The following DACH1 variants were observed in gnomAD, a reference collection of about 807,000 sequenced individuals.
DACH1 encodes dachshund homolog 1.
DACH1 carries 12 observed loss-of-function variants against 54.2 expected under a neutral mutation model. The ratio of observed to expected loss-of-function variants is 0.22; its 90% confidence interval spans 0.14 to 0.36. DACH1 has a LOEUF of 0.36. Ranked by LOEUF, DACH1 falls within the 10% of genes least tolerant of loss-of-function variation. The pLI, the probability that DACH1 is intolerant of heterozygous loss-of-function variation, is 1.00. For synonymous variants in DACH1, 386 were observed against 366.2 expected (o/e 1.05, Z -0.62); for missense variants, 805 against 929.8 (o/e 0.87, Z 1.75).
chr13:71,520,305 C>A (rs1340010377), intron 6 of DACH1, among the ~76,000 whole-genome samples: 1 of 151,500 alleles, frequency 6.6e-6, no homozygotes, highest in Non-Finnish European at 1.5e-5. Context: ...AGCATCAAAC[C>A]TCATGGAAAT....
At chr13:71,725,082 A>G (rs1467683947) in intron 1 of DACH1, among the ~76,000 whole-genome samples, 1 of 152,170 alleles carries the variant, frequency 6.6e-6, no homozygotes, top group Non-Finnish European at 1.5e-5. Context: ...TGTAAAAAAA[A>G]AATTCAAAAG....
At chr13:71,575,918 A>G (rs1885499375) in intron 3 of DACH1, among the ~76,000 whole-genome samples, 1 of 152,132 alleles carries the variant, frequency 6.6e-6, no homozygotes, top group Non-Finnish European at 1.5e-5. Context: ...CATTATTTAT[A>G]ACATCCTTTT....
At chr13:71,791,860 T>C (rs1397654778) in intron 1 of DACH1, among the ~76,000 whole-genome samples, 2 of 152,202 alleles carry the variant, frequency 1.3e-5, no homozygotes, top group African/African-American at 4.8e-5. Flanking sequence ...AGTTTGCTCA[T>C]TTCACATATT....
At chr13:71,706,871 G>A (rs563756275) in intron 1 of DACH1, among the ~76,000 whole-genome samples, 6 of 152,008 alleles carry the variant, frequency 3.9e-5, no homozygotes, top group South Asian at 2.1e-4. Context: ...AATCTGCCTC[G>A]GTACAGTAAG....
At chr13:71,686,405 G>A (rs986634991) in intron 1 of DACH1, among the ~76,000 whole-genome samples, 2 of 152,056 alleles carry the variant, frequency 1.3e-5, no homozygotes, top group African/African-American at 4.8e-5. Context: ...GATCGCCAGG[G>A]GGGTCTTCTT....
At chr13:71,724,410 T>C (rs1291429304) in intron 1 of DACH1, among the ~76,000 whole-genome samples, 1 of 152,268 alleles carries the variant, frequency 6.6e-6, no homozygotes, top group East Asian at 1.9e-4. Context: ...ATTAAATTTA[T>C]AATAACTAAA....
intron 3 of DACH1, among the ~76,000 whole-genome samples, chr13:71,616,304 C>T (rs1011010439): frequency 6.6e-6 from 1 of 152,232 alleles, no homozygotes; most frequent in African/African-American, 2.4e-5. Flanking sequence ...CATGCATGAA[C>T]AGCTGGAGGC....
intron 2 of DACH1, among the ~76,000 whole-genome samples, chr13:71,658,985 A>T (rs917781758): frequency 3.9e-5 from 6 of 152,164 alleles, no homozygotes; most frequent in Non-Finnish European, 8.8e-5. Flanking sequence ...TTAGGGTGTT[A>T]AAAATCTCAG....
chr13:71,714,664 T>A (rs758448748), intron 1 of DACH1, among the ~76,000 whole-genome samples: 35 of 152,220 alleles, frequency 2.3e-4, no homozygotes, highest in Non-Finnish European at 4.3e-4. Flanking sequence ...AATATTTTTA[T>A]CCCGTTCTTG....
chr13:71,691,108 T>G (rs1307675918), intron 1 of DACH1, among the ~76,000 whole-genome samples: 1 of 152,212 alleles, frequency 6.6e-6, no homozygotes, highest in East Asian at 1.9e-4. Context: ...CAATGGCATA[T>G]GCGAAGAACC....
intron 3 of DACH1, among the ~76,000 whole-genome samples, chr13:71,599,202 G>A (rs1005442381): frequency 3.3e-5 from 5 of 152,034 alleles, no homozygotes; most frequent in African/African-American, 1.2e-4. Context: ...ACAGAATGAT[G>A]GGACTGCACT....
intron 1 of DACH1, among the ~76,000 whole-genome samples, chr13:71,692,130 C>A (rs775147043): frequency 6.6e-6 from 1 of 151,748 alleles, no homozygotes; most frequent in Non-Finnish European, 1.5e-5. Context: ...ATTAAAAGGT[C>A]ATTTATTAAA....
chr13:71,603,371 C>T (rs1013990659), intron 3 of DACH1, among the ~76,000 whole-genome samples: 9 of 151,974 alleles, frequency 5.9e-5, no homozygotes, highest in African/African-American at 1.4e-4. Context: ...TAATGACATA[C>T]TTTCTACTCA....
At chr13:71,564,621 C>G (rs1027481572) in intron 4 of DACH1, among the ~76,000 whole-genome samples, 4 of 152,070 alleles carry the variant, frequency 2.6e-5, no homozygotes, top group Non-Finnish European at 2.9e-5. Context: ...ACAACATACT[C>G]AAATTCTAAA....
intron 2 of DACH1, chr13:71,675,348 G>C (rs1191640011): frequency 2.6e-6 from 4 of 1,543,100 alleles, no homozygotes; most frequent in Non-Finnish European, 3.6e-6. Flanking sequence ...CTTTGCAGGA[G>C]GCAAGTGAGG....
At chr13:71,669,717 T>C (rs1880097321) in intron 2 of DACH1, among the ~76,000 whole-genome samples, 1 of 152,110 alleles carries the variant, frequency 6.6e-6, no homozygotes, top group Admixed American at 6.5e-5. Flanking sequence ...GGTCTTTACA[T>C]GATAAAGTAG....
At position 71,720,788 on chromosome 13, in the gene DACH1, T is replaced by C. The variant is rs145500865; in HGVS notation, c.849-38878A>G. Among the ~76,000 whole-genome samples the C allele has an allele frequency of 6.2e-3, 945 of 152,282 alleles. 12 individuals carry two copies. Among genetic ancestry groups the C allele is most frequent in the African/African-American group, 0.021 (891 of 41,574 alleles). ...CATGATAGCAGACAGTTATGTTCTC[T>C]AAACTTTACTTATCAGTTCTAAGAT... is the stretch of plus-strand genomic sequence containing the variant. On this transcript the variant is annotated intron_variant, in intron 1 of 10. Transcript: ENST00000613252.
chr13:71,531,469 A>G (rs1397753119), intron 6 of DACH1, among the ~76,000 whole-genome samples: 1 of 152,082 alleles, frequency 6.6e-6, no homozygotes, highest in Non-Finnish European at 1.5e-5. Context: ...ACAACTATGG[A>G]TGAGGCCCTC....
chr13:71,800,791 T>C lies in DACH1; in HGVS notation c.848+65131A>G, dbSNP rs551680676. Among the ~76,000 whole-genome samples, 4 of 152,202 alleles carry C rather than the reference T, an allele frequency of 2.6e-5. No individual in the cohort carries two copies. The South Asian group carries it at 6.2e-4, about 24-fold the overall frequency. The stretch of plus-strand genomic sequence containing the variant: ...TATTTTAATAGGATTCAGCGGCTAA[T>C]TTGAAGTCCTCAGATATCGCTCTTT... On this transcript the variant is annotated intron_variant, in intron 1 of 10. Coordinates refer to ENST00000613252, the MANE Select transcript of DACH1 (RefSeq NM_080759.6).
Sources: allele counts gnomAD v4.1 joint callset (sites outside exome capture counted in the v4.1 genomes callset), GRCh38; gene constraint gnomAD v4.1.1; transcripts MANE v1.5; gene names NCBI Gene and HGNC (gene_info 2026-07-23, HGNC 2026-07-21).